The following RNLS variants were observed in gnomAD, a reference collection of about 807,000 sequenced individuals.
RNLS encodes the protein renalase, FAD dependent amine oxidase, also known as renalase.
In RNLS, 39 loss-of-function variants were observed where a neutral mutation model predicts 39.8. The ratio of observed to expected loss-of-function variants is 0.98; its 90% CI spans 0.76 to 1.28. RNLS has a LOEUF of 1.28. Among genes scored for constraint, RNLS ranks in the 50% most tolerant of loss-of-function variants. The pLI, the probability that RNLS is intolerant of heterozygous loss-of-function variation, is 0.00. For synonymous variants in RNLS, 147 were observed against 150.7 expected (o/e 0.98, Z 0.18); for missense variants, 410 against 413.3 (o/e 0.99, Z 0.07).
At chr10:88,377,362 T>TC (rs1851098143) in intron 4 of RNLS, among the ~76,000 whole-genome samples, 1 of 152,180 alleles carries the variant, frequency 6.6e-6, no homozygotes, top group Admixed American at 6.6e-5. Context: ...CAATTAAATT[T>TC]ATGTTCAGAA....
chr10:88,183,499 A>G, the RNLS span, among the ~76,000 whole-genome samples: 2 of 152,146 alleles, frequency 1.3e-5, no homozygotes, highest in African/African-American at 4.8e-5. Context: ...GACATATTTG[A>G]AATTAAAGTG....
At chr10:88,315,154 G>A (rs1217342543) in intron 5 of RNLS, among the ~76,000 whole-genome samples, 1 of 152,108 alleles carries the variant, frequency 6.6e-6, no homozygotes, top group Non-Finnish European at 1.5e-5. Context: ...CTGAAAACAG[G>A]CTTGTCCTCA....
chr10:88,195,538 T>C, the RNLS span, among the ~76,000 whole-genome samples: 26 of 152,244 alleles, frequency 1.7e-4, no homozygotes, highest in African/African-American at 5.8e-4. Flanking sequence ...CCCTGTAGTT[T>C]GGGGTAAGAA....
chr10:88,219,374 C>G, the RNLS span, among the ~76,000 whole-genome samples: 2 of 152,180 alleles, frequency 1.3e-5, no homozygotes, highest in Admixed American at 6.5e-5. Flanking sequence ...AAATATCTTT[C>G]ATCAATAGAA....
At chr10:88,283,661 A>T (rs1435717253), downstream of RNLS, among the ~76,000 whole-genome samples, 2 of 152,144 alleles carry the variant, frequency 1.3e-5, no homozygotes, top group Non-Finnish European at 2.9e-5. Flanking sequence ...CCTTGGCAGG[A>T]ACATGGATGG....
the RNLS span, among the ~76,000 whole-genome samples, chr10:88,216,778 C>T: frequency 2.6e-5 from 4 of 152,014 alleles, no homozygotes; most frequent in Non-Finnish European, 4.4e-5. Context: ...TGCTAAACAA[C>T]AACAACAACA....
In RNLS at chr10:88,315,460, T is replaced by C. The variant is rs376283017; in HGVS notation, c.701-819A>G. 2.6e-5 allele frequency among the ~76,000 whole-genome samples: 4 copies of C among 152,286 alleles called. No individual in the cohort carries two copies. The East Asian group carries it at 5.8e-4, about 22-fold the overall frequency. ...TGTCTGCTATTATTTGTTTGAATCA[T>C]GCAGAAGAGAAAGCTGAGGGGAAAA... On this transcript the variant is annotated intron_variant, in intron 5 of 6. Coordinates refer to ENST00000331772, the MANE Select transcript of RNLS (RefSeq NM_001031709.3).
the RNLS span, among the ~76,000 whole-genome samples, chr10:88,222,395 G>A: frequency 6.6e-6 from 1 of 152,156 alleles, no homozygotes; most frequent in African/African-American, 2.4e-5. Context: ...TGGAGTCTGG[G>A]AGGAGGCTCT....
the RNLS span, among the ~76,000 whole-genome samples, chr10:88,180,157 T>A: frequency 6.6e-6 from 1 of 152,214 alleles, no homozygotes; most frequent in Non-Finnish European, 1.5e-5. Flanking sequence ...TTTATAAGAT[T>A]TGTACATCAA....
the RNLS span, among the ~76,000 whole-genome samples, chr10:88,230,004 ATGGACAAATGGAGCCACCTGGATGATG>A: frequency 1.3e-5 from 2 of 152,294 alleles, no homozygotes; most frequent in Middle Eastern, 6.8e-3. Context: ...CCTGGAAAGC[ATGGACAAATGGAGCCACCTGGATGATG>A]TGGACAAATG....
chr10:88,244,080 C>T, the RNLS span, among the ~76,000 whole-genome samples: 1 of 152,228 alleles, frequency 6.6e-6, no homozygotes. Context: ...GATGGCTTCT[C>T]TCAATGCTCT....
chr10:88,460,755 C>A (rs1044087244), intron 4 of RNLS, among the ~76,000 whole-genome samples: 15 of 152,174 alleles, frequency 9.9e-5, no homozygotes, highest in Non-Finnish European at 2.1e-4. Context: ...CTATTTCCCA[C>A]TTTCCCTCTG....
chr10:88,386,351 A>G (rs1027415773), intron 4 of RNLS, among the ~76,000 whole-genome samples: 1 of 152,136 alleles, frequency 6.6e-6, no homozygotes, highest in Non-Finnish European at 1.5e-5. Flanking sequence ...CAAAAGGCTA[A>G]AATTGGTTAG....
downstream of RNLS, among the ~76,000 whole-genome samples, chr10:88,279,556 G>A (rs186137533): frequency 6.6e-6 from 1 of 152,168 alleles, no homozygotes; most frequent in Admixed American, 6.6e-5. Context: ...ACCAGGAATT[G>A]AGCTGTTTAA....
chr10:88,283,789 C>T (rs183291727), downstream of RNLS, among the ~76,000 whole-genome samples: 2 of 152,006 alleles, frequency 1.3e-5, no homozygotes, highest in East Asian at 3.9e-4. Flanking sequence ...CAGGGGACAA[C>T]AGAAAGTGGG....
chr10:88,368,066 T>C (rs756519976), intron 4 of RNLS, among the ~76,000 whole-genome samples: 1 of 151,998 alleles, frequency 6.6e-6, no homozygotes, highest in Non-Finnish European at 1.5e-5. Flanking sequence ...TTTTTGCCAA[T>C]AGCCTACTTC....
chr10:88,520,565 A>G (rs1004203027), intron 4 of RNLS, among the ~76,000 whole-genome samples: 1 of 152,068 alleles, frequency 6.6e-6, no homozygotes, highest in African/African-American at 2.4e-5. Context: ...AAAGAAATTG[A>G]TGATTGAGGT....
chr10:88,484,036 G>A (rs2576177), intron 4 of RNLS, among the ~76,000 whole-genome samples: 127,089 of 152,016 alleles, frequency 0.84, 53,519 homozygotes, highest in East Asian at 1. Flanking sequence ...TATAACACAC[G>A]ATTCTGAAAA....
At chr10:88,507,528 A>G (rs1008178966) in intron 4 of RNLS, among the ~76,000 whole-genome samples, 2 of 152,116 alleles carry the variant, frequency 1.3e-5, no homozygotes, top group African/African-American at 4.8e-5. Flanking sequence ...TTTAAAGCCC[A>G]TGATTTATGG....
Sources: gnomAD v4.1 joint callset for allele counts (sites outside exome capture counted in the v4.1 genomes callset) on GRCh38, gnomAD v4.1.1 for gene constraint, MANE v1.5 for transcripts, NCBI Gene and HGNC (gene_info 2026-07-23, HGNC 2026-07-21) for gene names.